ZDHHC15: variants seen among roughly 807,000 people sequenced by gnomAD.
ZDHHC15 encodes the protein zDHHC palmitoyltransferase 15, also known as palmitoyltransferase ZDHHC15.
A neutral mutation model predicts 31.7 loss-of-function variants in ZDHHC15; 19 were observed. That is an observed-to-expected ratio of 0.60 (90% CI 0.42 to 0.88). The LOEUF (loss-of-function observed/expected upper bound fraction) is 0.88. ZDHHC15 is among the 40% of genes least tolerant of loss of function. The pLI, the probability that ZDHHC15 is intolerant of heterozygous loss-of-function variation, is 0.00. For synonymous variants in ZDHHC15, 103 were observed against 90.0 expected (o/e 1.14, Z -0.82); for missense variants, 209 against 251.2 (o/e 0.83, Z 1.14).
At chrX:75,503,527 T>G (rs1311856374) in intron 2 of ZDHHC15, among the ~76,000 whole-genome samples, 1 of 111,060 alleles carries the variant, frequency 9.0e-6, no homozygotes, top group East Asian at 2.8e-4. Flanking sequence ...CATAATCTCA[T>G]TAGTGCTCAA....
At chrX:75,433,391 A>G (rs1471704195) in intron 4 of ZDHHC15, among the ~76,000 whole-genome samples, 1 of 110,489 alleles carries the variant, frequency 9.1e-6, no homozygotes, top group Non-Finnish European at 1.9e-5. Flanking sequence ...CTAAGCCGTA[A>G]ACACTGTACC....
intron 10 of ZDHHC15, among the ~76,000 whole-genome samples, chrX:75,381,147 T>C (rs1602538946): frequency 9.0e-6 from 1 of 111,647 alleles, no homozygotes. Flanking sequence ...CTTTCATTCA[T>C]AGTATTTTTG....
intron 10 of ZDHHC15, among the ~76,000 whole-genome samples, chrX:75,392,210 T>A (rs1249448536): frequency 8.9e-6 from 1 of 111,795 alleles, no homozygotes; most frequent in Non-Finnish European, 1.9e-5. Flanking sequence ...CAGTCCGAGA[T>A]CCAAAACTGA....
At chrX:75,507,429 A>C (rs907999860) in intron 1 of ZDHHC15, among the ~76,000 whole-genome samples, 2 of 111,216 alleles carry the variant, frequency 1.8e-5, no homozygotes, top group African/African-American at 6.5e-5. Context: ...CTATTCTAAA[A>C]GATGTGGCAC....
intron 2 of ZDHHC15, among the ~76,000 whole-genome samples, chrX:75,492,923 A>G (rs940683126): frequency 7.1e-5 from 8 of 111,896 alleles, no homozygotes; most frequent in African/African-American, 2.6e-4. Context: ...GCAAGAAATA[A>G]CTAAGATCAG....
chrX:75,517,732 TATA>T (rs983858507), intron 1 of ZDHHC15, among the ~76,000 whole-genome samples: 3 of 109,087 alleles, frequency 2.8e-5, no homozygotes, highest in South Asian at 3.9e-4. Flanking sequence ...AAACTTAAAG[TATA>T]ATAATAATAA....
At chrX:75,482,850 G>A (rs1026235963) in intron 2 of ZDHHC15, among the ~76,000 whole-genome samples, 1 of 109,569 alleles carries the variant, frequency 9.1e-6, no homozygotes, top group Non-Finnish European at 1.9e-5. Flanking sequence ...TTGAAGTGTC[G>A]TGCAAAATCC....
chrX:75,479,273 G>T (rs2084653797), intron 2 of ZDHHC15, among the ~76,000 whole-genome samples: 1 of 111,945 alleles, frequency 8.9e-6, no homozygotes, highest in Non-Finnish European at 1.9e-5. Flanking sequence ...TCAGCCAATT[G>T]TCATTATCTT....
At chrX:75,467,064 G>GA (rs1171875940) in intron 3 of ZDHHC15, among the ~76,000 whole-genome samples, 1 of 111,159 alleles carries the variant, frequency 9.0e-6, no homozygotes, top group Non-Finnish European at 1.9e-5. Context: ...TTAAGACAAA[G>GA]AAAAAAACAA....
chrX:75,413,991 C>T (rs1445608024), intron 10 of ZDHHC15, among the ~76,000 whole-genome samples: 3 of 111,421 alleles, frequency 2.7e-5, no homozygotes, highest in Non-Finnish European at 5.7e-5. Context: ...AAATGGATCC[C>T]AATTTGAATA....
intron 2 of ZDHHC15, among the ~76,000 whole-genome samples, chrX:75,501,148 G>T (rs1187807966): frequency 1.8e-5 from 2 of 110,409 alleles, no homozygotes; most frequent in Admixed American, 2.0e-4. Context: ...AGAACCCAGT[G>T]TCTGTTGTTC....
At chrX:75,463,597 A>ACAACAACAACAACAG (rs1251359496) in intron 3 of ZDHHC15, among the ~76,000 whole-genome samples, 1 of 110,694 alleles carries the variant, frequency 9.0e-6, no homozygotes, top group East Asian at 2.8e-4. Context: ...AACAACAACA[A>ACAACAACAACAACAG]CAACAACAAA....
chrX:75,476,209 G>T (rs1415901633), intron 3 of ZDHHC15, among the ~76,000 whole-genome samples: 1 of 108,941 alleles, frequency 9.2e-6, no homozygotes, highest in Non-Finnish European at 1.9e-5. Context: ...TCTTTTATTT[G>T]ATTTTCTTGC....
intron 10 of ZDHHC15, among the ~76,000 whole-genome samples, chrX:75,397,542 TA>T (rs143873620): frequency 9.5e-6 from 1 of 105,277 alleles, no homozygotes; most frequent in African/African-American, 3.4e-5. Context: ...AAATTAAAAA[TA>T]AAAAAAAACT....
intron 4 of ZDHHC15, among the ~76,000 whole-genome samples, chrX:75,436,482 T>A (rs982186499): frequency 8.9e-6 from 1 of 111,994 alleles, no homozygotes; most frequent in Non-Finnish European, 1.9e-5. Context: ...TGCTATGAAC[T>A]TTCCTCTTAG....
chrX:75,405,536 T>G (rs1051810859), intron 10 of ZDHHC15, among the ~76,000 whole-genome samples: 1 of 111,235 alleles, frequency 9.0e-6, no homozygotes, highest in Non-Finnish European at 1.9e-5. Context: ...TCTGATAAAA[T>G]GAATTACAAA....
intron 2 of ZDHHC15, among the ~76,000 whole-genome samples, chrX:75,489,432 C>A (rs906339414): frequency 1.8e-5 from 2 of 111,708 alleles, no homozygotes; most frequent in South Asian, 7.6e-4. Flanking sequence ...TTGCTGCTCA[C>A]CAATATCCGC....
chrX:75,505,789 C>G (rs780795066), intron 2 of ZDHHC15, 32 bp downstream of exon 2: 2 of 1,207,172 alleles, frequency 1.7e-6, no homozygotes, highest in South Asian at 1.8e-5. Flanking sequence ...AGGACACGGT[C>G]CTGATCAATA....
At chrX:75,424,308 C>T (rs2083685198) in intron 8 of ZDHHC15, among the ~76,000 whole-genome samples, 1 of 111,013 alleles carries the variant, frequency 9.0e-6, no homozygotes, top group Non-Finnish European at 1.9e-5. Context: ...CTGACATCCC[C>T]TTCTGTACTG....
Sources: allele counts gnomAD v4.1 joint callset (sites outside exome capture counted in the v4.1 genomes callset), GRCh38; gene constraint gnomAD v4.1.1; transcripts MANE v1.5; gene names NCBI Gene and HGNC (gene_info 2026-07-23, HGNC 2026-07-21).